INPP4B: variants seen among roughly 807,000 people sequenced by gnomAD.
The protein encoded by INPP4B is inositol polyphosphate-4-phosphatase type II B, also known as inositol polyphosphate 4-phosphatase type II.
In INPP4B, 55 loss-of-function variants were observed where a neutral mutation model predicts 122.5. The observed-to-expected ratio is 0.45, with a 90% CI of 0.36 to 0.56. INPP4B has a LOEUF of 0.56. Ranked by LOEUF, INPP4B falls within the 20% of genes least tolerant of loss-of-function variation. INPP4B has a pLI of 0.00. For missense variants in INPP4B, 1,000 were observed against 1,097.7 expected (o/e 0.91, Z 1.26); for synonymous variants, 403 against 388.7 (o/e 1.04, Z -0.43).
intron 18 of INPP4B, among the ~76,000 whole-genome samples, chr4:142,132,820 C>G (rs1278123657): frequency 6.6e-6 from 1 of 152,200 alleles, no homozygotes; most frequent in Non-Finnish European, 1.5e-5. Context: ...CCCTAATTCC[C>G]TTTACAGCTC....
chr4:142,320,390 C>A (rs1016204808), intron 7 of INPP4B, among the ~76,000 whole-genome samples: 4 of 152,146 alleles, frequency 2.6e-5, no homozygotes, highest in African/African-American at 9.7e-5. Flanking sequence ...ATTTTGGGAA[C>A]GATCTTAGAA....
chr4:142,070,110 C>T (rs551278896), intron 25 of INPP4B, among the ~76,000 whole-genome samples: 14 of 152,210 alleles, frequency 9.2e-5, no homozygotes, highest in East Asian at 1.9e-4. Flanking sequence ...AAACCAAATC[C>T]GGCAGCACAT....
intron 2 of INPP4B, among the ~76,000 whole-genome samples, chr4:142,563,637 C>T (rs1730934324): frequency 6.6e-6 from 1 of 152,178 alleles, no homozygotes; most frequent in South Asian, 2.1e-4. Flanking sequence ...GAACTTGAGT[C>T]TATTTGCCCA....
At chr4:142,301,141 C>G (rs1266318643) in intron 9 of INPP4B, among the ~76,000 whole-genome samples, 2 of 152,100 alleles carry the variant, frequency 1.3e-5, no homozygotes, top group African/African-American at 4.8e-5. Context: ...CAGATATACT[C>G]TAATACTTAG....
At chr4:142,342,222 T>C (rs1190839111) in intron 7 of INPP4B, among the ~76,000 whole-genome samples, 1 of 152,114 alleles carries the variant, frequency 6.6e-6, no homozygotes, top group African/African-American at 2.4e-5. Context: ...TTGGTAGTAA[T>C]TGTATTACAG....
At chr4:142,747,341 G>C (rs1164947749) in intron 1 of INPP4B, among the ~76,000 whole-genome samples, 1 of 152,112 alleles carries the variant, frequency 6.6e-6, no homozygotes, top group Non-Finnish European at 1.5e-5. Flanking sequence ...ACACCAGTTA[G>C]AATGGCGATC....
At chr4:142,498,391 TGAG>T (rs1822928145) in intron 2 of INPP4B, among the ~76,000 whole-genome samples, 1 of 151,898 alleles carries the variant, frequency 6.6e-6, no homozygotes, top group Non-Finnish European at 1.5e-5. Flanking sequence ...GGAAATAAAC[TGAG>T]ATAATTAGAG....
At chr4:142,148,199 T>C (rs1811830209) in intron 17 of INPP4B, among the ~76,000 whole-genome samples, 1 of 152,062 alleles carries the variant, frequency 6.6e-6, no homozygotes, top group African/African-American at 2.4e-5. Context: ...AGTTGTTAAC[T>C]CTCTTGCTGT....
chr4:142,336,348 C>T (rs1209549034), intron 7 of INPP4B, among the ~76,000 whole-genome samples: 1 of 152,206 alleles, frequency 6.6e-6, no homozygotes, highest in East Asian at 1.9e-4. Context: ...CCTCTGTTCA[C>T]TGTGCTGCAG....
chr4:142,255,883 C>G (rs1357744875), intron 11 of INPP4B, among the ~76,000 whole-genome samples: 45 of 149,628 alleles, frequency 3.0e-4, no homozygotes, highest in African/African-American at 9.3e-4. Context: ...CTCTCCACCC[C>G]AAATCAACAG....
In INPP4B at chr4:142,237,813, T is replaced by C; in HGVS notation, c.836+51A>G. On this transcript the variant is annotated intron_variant, in intron 12 of 25. Coordinates refer to ENST00000262992, the MANE Select transcript of INPP4B (RefSeq NM_001101669.3). ...TATATAATTTGTCAATTAAAAATTT[T>C]TAAATGGTATAAAATAATTAATATG... The C allele has an allele frequency of 1.8e-6, 2 of 1,118,072 alleles. 1 individual carries two copies. Among genetic ancestry groups the C allele is most frequent in the Non-Finnish European group, 2.5e-6 (2 of 801,710 alleles). 69.3% of individuals were successfully genotyped at this position (1,118,072 alleles called of 1,614,324 possible). A position where few individuals can be genotyped will look rare whatever the true frequency, so the allele number is the denominator to read the frequency against.
chr4:142,448,329 CAA>C (rs71586289), intron 3 of INPP4B, among the ~76,000 whole-genome samples: 148 of 61,988 alleles, frequency 2.4e-3, no homozygotes, highest in African/African-American at 7.3e-3. Flanking sequence ...TATCCATCTC[CAA>C]AAAAAAAAAA....
intron 11 of INPP4B, among the ~76,000 whole-genome samples, chr4:142,245,855 CATATATGTGTATGT>C (rs1727939137): frequency 4.2e-5 from 1 of 24,084 alleles, no homozygotes; most frequent in African/African-American, 9.7e-5. Flanking sequence ...TGTATGTATA[CATATATGTGTATGT>C]ATACATATAT....
At chr4:142,683,201 A>G (rs1056852033) in intron 2 of INPP4B, among the ~76,000 whole-genome samples, 21 of 151,970 alleles carry the variant, frequency 1.4e-4, no homozygotes, top group African/African-American at 5.1e-4. Context: ...TCTTTTCTCA[A>G]CGTGCTTTGT....
intron 10 of INPP4B, among the ~76,000 whole-genome samples, chr4:142,267,761 A>C (rs1579526931): frequency 6.6e-6 from 1 of 152,306 alleles, no homozygotes; most frequent in Middle Eastern, 3.4e-3. Flanking sequence ...CAAAGGAAAC[A>C]ATAAGGAAAC....
chr4:142,475,422 A>C (rs1192872108), intron 2 of INPP4B, among the ~76,000 whole-genome samples: 1 of 152,182 alleles, frequency 6.6e-6, no homozygotes, highest in Non-Finnish European at 1.5e-5. Flanking sequence ...CTGGCAACTC[A>C]AAAAGGCAGA....
At chr4:142,788,011 G>A (rs916300834) in intron 1 of INPP4B, among the ~76,000 whole-genome samples, 13 of 151,954 alleles carry the variant, frequency 8.6e-5, no homozygotes, top group African/African-American at 3.1e-4. Context: ...GAGTTCAGAT[G>A]GGAGCAACTG....
intron 2 of INPP4B, among the ~76,000 whole-genome samples, chr4:142,640,937 A>C (rs1750254480): frequency 6.6e-6 from 1 of 152,196 alleles, no homozygotes; most frequent in South Asian, 2.1e-4. Context: ...ATTTGGATGA[A>C]GATGTGAAGT....
At chr4:142,554,237 C>T (rs1388051213) in intron 2 of INPP4B, among the ~76,000 whole-genome samples, 2 of 150,882 alleles carry the variant, frequency 1.3e-5, no homozygotes, top group Non-Finnish European at 3.0e-5. Context: ...CATCCACTTC[C>T]TTCCACTCCA....
Sources: allele counts gnomAD v4.1 joint callset (sites outside exome capture counted in the v4.1 genomes callset), GRCh38; gene constraint gnomAD v4.1.1; transcripts MANE v1.5; gene names NCBI Gene and HGNC (gene_info 2026-07-23, HGNC 2026-07-21).